The following TTC7A variants were observed in gnomAD, a reference collection of about 807,000 sequenced individuals.
TTC7A encodes tetratricopeptide repeat protein 7A.
In TTC7A, 110 loss-of-function variants were observed where a neutral mutation model predicts 103.7. The observed-to-expected ratio is 1.06, with a 90% confidence interval of 0.91 to 1.24. The LOEUF is 1.24. TTC7A is among the 50% of genes most tolerant of loss of function. TTC7A has a pLI of 0.00. For missense variants in TTC7A, 1,340 were observed against 1,116.3 expected, an observed-to-expected ratio of 1.20 and a Z score of -2.86; for synonymous variants, 521 against 467.9, an observed-to-expected ratio of 1.11 and a Z score of -1.47.
intron 19 of TTC7A, chr2:47,068,610 G>T (rs1475754133): frequency 6.6e-6 from 1 of 151,974 alleles, no homozygotes; most frequent in Non-Finnish European, 1.5e-5. Flanking sequence ...CCCATGGTGT[G>T]GGGGGTATGA....
At chr2:47,030,568 C>T (rs1368699149) in intron 15 of TTC7A, among the ~76,000 whole-genome samples, 2 of 152,314 alleles carry the variant, frequency 1.3e-5, no homozygotes, top group East Asian at 3.9e-4. Flanking sequence ...AATATAAACC[C>T]CATAATGTGC....
rs1573016481 is a variant in TTC7A, at chr2:47,046,331, G to A, written c.1819G>A (p.Val607Met). The change falls in exon 16 of 20, where the codon GTG (valine) becomes ATG (methionine). Residue 607 changes from valine to methionine, a missense_variant. Transcript: ENST00000319190. ...PENFNLMFTK[V>M]KLEQVLKGPE... ...TCCCCACAGCCTGATGTTCACCAAGGTGAAGCTGGAGCAGGTGCTGAAAGG... is the reference window on the plus strand; with the variant it reads ...TCCCCACAGCCTGATGTTCACCAAGATGAAGCTGGAGCAGGTGCTGAAAGG... The A allele has an allele frequency of 1.2e-6, 2 of 1,614,084 alleles. No homozygotes were observed. Among genetic ancestry groups the A allele is most frequent in the Non-Finnish European group, 8.5e-7 (1 of 1,180,010 alleles).
rs1677337431 is a variant in TTC7A at position 47,006,022 on chromosome 2, C to T, written c.1166C>T (p.Thr389Met). The T allele has an allele frequency of 2.5e-6, 4 of 1,613,634 alleles. No individual in the cohort carries two copies. The East Asian group carries it at 8.9e-5, about 36-fold the overall frequency. ...AAAIYDLLSI[T>M]LGRRGQYVML... ...GCCATCTATGACCTCCTGAGCATCA[C>T]GTTGGGCAGAAGGGGACAGTACGTC... Residue 389 changes from threonine to methionine, a missense_variant, in exon 9 of 20, where the codon ACG becomes ATG. By Grantham distance (81) the Thr-to-Met change is moderately conservative. Coordinates refer to ENST00000319190, the MANE Select transcript of TTC7A (RefSeq NM_020458.4).
Position 46,950,366 on chromosome 2 carries a change from A to G in TTC7A, c.188A>G (p.Asp63Gly). 6.2e-7 allele frequency: 1 copy of G among 1,613,926 alleles called. No homozygotes were observed. The change falls in exon 2 of 20, where the codon GAC becomes GGC. Residue 63 changes from aspartate to glycine, a missense_variant. Coordinates refer to ENST00000319190, the MANE Select transcript of TTC7A (RefSeq NM_020458.4). ...SAAFTFPDTD[D>G]FGKLLLAEAL... Reference sequence around the variant, plus strand: ...TGACCCCTACTTTGCTTTTCAGATGACTTTGGGAAATTGCTGCTGGCTGAG... The same window carrying G: ...TGACCCCTACTTTGCTTTTCAGATGGCTTTGGGAAATTGCTGCTGGCTGAG...
At position 46,941,356 on chromosome 2, in the gene TTC7A, AGCTGCTGGT is replaced by A. The variant is rs1327713183; in HGVS notation, c.-178_-170del. ...CGGAGGCGCCGGGCGGTGCGCTGGG[AGCTGCTGGT>A]GCTGCTGCTGCTGCTGCTGCCCACC... is the stretch of plus-strand genomic sequence containing the variant. On this transcript the variant is annotated 5_prime_UTR_variant, in exon 1 of 20. Transcript: ENST00000319190. This position sits in a 1 kb window ranked among gnomAD's most constrained non-coding sequence, Gnocchi z 4.2. The A allele has an allele frequency of 2.9e-6, 1 of 340,776 alleles. No individual in the cohort carries two copies. Among genetic ancestry groups the A allele is most frequent in the African/African-American group, 2.2e-5 (1 of 45,560 alleles). 21.1% of individuals were successfully genotyped at this position (340,776 alleles called of 1,614,324 possible).
chr2:46,957,914 A>G (rs1050871747), intron 3 of TTC7A, among the ~76,000 whole-genome samples: 2 of 152,272 alleles, frequency 1.3e-5, no homozygotes, highest in African/African-American at 2.4e-5. Context: ...TTTGTAGACT[A>G]TGTGACACAC....
intron 2 of TTC7A, among the ~76,000 whole-genome samples, chr2:46,951,915 A>T (rs1671450868): frequency 6.6e-6 from 1 of 152,212 alleles, no homozygotes; most frequent in African/African-American, 2.4e-5. Flanking sequence ...GTAGACCGTG[A>T]TAGGAGTGCT....
intron 2 of TTC7A, among the ~76,000 whole-genome samples, chr2:46,917,701 T>A (rs1162667492): frequency 1.8e-4 from 27 of 152,228 alleles, no homozygotes; most frequent in Admixed American, 1.5e-3. Context: ...AAACTTGCTG[T>A]ATTTTCTCCC....
intron 2 of TTC7A, among the ~76,000 whole-genome samples, chr2:46,922,499 G>A (rs1338580877): frequency 5.9e-5 from 9 of 152,074 alleles, no homozygotes; most frequent in Non-Finnish European, 8.8e-5. Context: ...CCAGACCTGA[G>A]TGCGGGCAGA....
chr2:46,927,564 G>A (rs974237888), intron 2 of TTC7A, among the ~76,000 whole-genome samples: 10 of 151,866 alleles, frequency 6.6e-5, no homozygotes, highest in Non-Finnish European at 1.5e-4. Flanking sequence ...GTTTCACCGT[G>A]TTAGCCAGGA....
intron 3 of TTC7A, among the ~76,000 whole-genome samples, chr2:46,967,856 T>C (rs769110598): frequency 1.4e-4 from 21 of 152,156 alleles, no homozygotes; most frequent in Admixed American, 8.5e-4. Context: ...TGAGGGTTCT[T>C]TCCTACCTGG....
At chr2:46,973,802 T>C (rs1032461311) in intron 3 of TTC7A, among the ~76,000 whole-genome samples, 1 of 152,194 alleles carries the variant, frequency 6.6e-6, no homozygotes, top group Non-Finnish European at 1.5e-5. Flanking sequence ...ACAGTCCAAC[T>C]TGCTCACCCA....
chr2:46,986,969 A>T (rs959502569), intron 5 of TTC7A, among the ~76,000 whole-genome samples: 2 of 152,140 alleles, frequency 1.3e-5, no homozygotes, highest in African/African-American at 4.8e-5. Context: ...TGTCTGAGGG[A>T]TGTTAATTTC....
intron 2 of TTC7A, among the ~76,000 whole-genome samples, chr2:46,932,131 G>C (rs1476553815): frequency 6.6e-6 from 1 of 151,552 alleles, no homozygotes; most frequent in Non-Finnish European, 1.5e-5. Context: ...ATATCAGAAA[G>C]CAATGTAGGG....
chr2:46,941,888 G>T lies in TTC7A; in HGVS notation c.184+163G>T. 1.1e-6 allele frequency: 1 copy of T among 876,042 alleles called. No individual in the cohort carries two copies. The highest frequency in any genetic ancestry group is 1.8e-5 in the South Asian group (1 of 56,574). The allele number at this position is 876,042 out of a possible 1,614,324, so 54.3% of individuals were successfully genotyped here. A position where few individuals can be genotyped will look rare whatever the true frequency, so the allele number is the denominator to read the frequency against. ...GCAGTTAGGAAGGTCCTTCTGCCGC[G>T]AGAGAAAAATCACATGTGGTTTGGG... On this transcript the variant is annotated intron_variant, in intron 1 of 19. Transcript: ENST00000319190. The surrounding 1 kb of genome is among the most constrained non-coding windows in gnomAD (Gnocchi z 4.2).
chr2:46,960,479 G>T (rs1174745225), intron 3 of TTC7A, among the ~76,000 whole-genome samples: 1 of 152,222 alleles, frequency 6.6e-6, no homozygotes, highest in Non-Finnish European at 1.5e-5. Context: ...TCTGATGTAT[G>T]TGCATGTAGG....
At chr2:46,992,202 C>A (rs1181465964) in intron 5 of TTC7A, among the ~76,000 whole-genome samples, 1 of 152,190 alleles carries the variant, frequency 6.6e-6, no homozygotes, top group African/African-American at 2.4e-5. Context: ...CTTACACTTT[C>A]CTGAGCATGT....
intron 15 of TTC7A, among the ~76,000 whole-genome samples, chr2:47,030,361 C>CGAAA (rs199602978): frequency 0.022 from 3,275 of 152,310 alleles, 106 homozygotes; most frequent in African/African-American, 0.075. Context: ...TGGGCTTTCA[C>CGAAA]CTCTGTCCAT....
intron 14 of TTC7A, among the ~76,000 whole-genome samples, chr2:47,028,094 A>C (rs1216489149): frequency 1.3e-5 from 2 of 152,126 alleles, no homozygotes; most frequent in African/African-American, 2.4e-5. Context: ...TTTTGCATCC[A>C]GGGGACTCTT....
Sources: allele counts gnomAD v4.1 joint callset (sites outside exome capture counted in the v4.1 genomes callset), GRCh38; gene constraint gnomAD v4.1.1; non-coding constraint Gnocchi (gnomAD v3.1); transcripts MANE v1.5; gene names NCBI Gene and HGNC (gene_info 2026-07-23, HGNC 2026-07-21).